SPOCK3: variants seen among roughly 807,000 people sequenced by gnomAD.
The protein encoded by SPOCK3 is SPARC (osteonectin), cwcv and kazal like domains proteoglycan 3, also known as testican-3.
Under a neutral mutation model 56.6 loss-of-function variants are expected in SPOCK3, and 30 were observed. The observed-to-expected ratio is 0.53, with a 90% CI of 0.40 to 0.72. SPOCK3 has a LOEUF of 0.72. Ranked by LOEUF, SPOCK3 falls within the 30% of genes least tolerant of loss-of-function variation. The pLI is 0.00. For synonymous variants in SPOCK3, 196 were observed against 183.3 expected, an observed-to-expected ratio of 1.07 and a Z score of -0.56; for missense variants, 527 against 530.0, an observed-to-expected ratio of 0.99 and a Z score of 0.06.
At chr4:166,905,925 A>G (rs1296074516) in intron 5 of SPOCK3, among the ~76,000 whole-genome samples, 1 of 152,020 alleles carries the variant, frequency 6.6e-6, no homozygotes, top group Admixed American at 6.6e-5. Flanking sequence ...ATGAAATTCT[A>G]TACTGAAAAT....
At chr4:167,068,460 T>C (rs896910846) in intron 2 of SPOCK3, among the ~76,000 whole-genome samples, 1 of 151,724 alleles carries the variant, frequency 6.6e-6, no homozygotes, top group African/African-American at 2.4e-5. Context: ...GAAAACATTC[T>C]AGTAATTGTC....
At chr4:166,842,140 G>C (rs564608121) in intron 6 of SPOCK3, among the ~76,000 whole-genome samples, 1 of 152,204 alleles carries the variant, frequency 6.6e-6, no homozygotes, top group African/African-American at 2.4e-5. Context: ...GAGTGTTATA[G>C]CTCATAGAGG....
chr4:166,767,739 A>G (rs1738304592), intron 7 of SPOCK3, among the ~76,000 whole-genome samples: 1 of 152,132 alleles, frequency 6.6e-6, no homozygotes, highest in South Asian at 2.1e-4. Flanking sequence ...ATTCCTGGAT[A>G]TCCTTGTTAA....
At chr4:166,784,285 C>CAGTA (rs1448752434) in intron 7 of SPOCK3, among the ~76,000 whole-genome samples, 2 of 152,076 alleles carry the variant, frequency 1.3e-5, no homozygotes, top group African/African-American at 4.8e-5. Flanking sequence ...AATTTTACTG[C>CAGTA]AGTACATCAA....
chr4:166,964,524 TCATCA>T (rs1436237406), intron 4 of SPOCK3, among the ~76,000 whole-genome samples: 1 of 151,856 alleles, frequency 6.6e-6, no homozygotes, highest in East Asian at 1.9e-4. Flanking sequence ...AGTAATGTTC[TCATCA>T]CATATTTGTA....
intron 2 of SPOCK3, among the ~76,000 whole-genome samples, chr4:167,219,888 A>C (rs1735732489): frequency 6.6e-6 from 1 of 152,146 alleles, no homozygotes; most frequent in Non-Finnish European, 1.5e-5. Flanking sequence ...TATTGTTCAT[A>C]ATATCTTAAA....
At chr4:166,937,404 G>A (rs925598398) in intron 4 of SPOCK3, among the ~76,000 whole-genome samples, 25 of 149,332 alleles carry the variant, frequency 1.7e-4, no homozygotes, top group Non-Finnish European at 3.3e-4. Flanking sequence ...TATATTATAT[G>A]TTATATATAA....
chr4:167,134,290 C>T (rs932140770), intron 2 of SPOCK3, among the ~76,000 whole-genome samples: 8 of 151,940 alleles, frequency 5.3e-5, no homozygotes, highest in Non-Finnish European at 1.2e-4. Flanking sequence ...GCCTCAGTCT[C>T]CCAAAATGCT....
intron 2 of SPOCK3, among the ~76,000 whole-genome samples, chr4:167,169,743 A>G (rs1228065541): frequency 1.3e-5 from 2 of 151,988 alleles, no homozygotes; most frequent in Non-Finnish European, 2.9e-5. Flanking sequence ...AGGAATAAAT[A>G]TGGTTTAGCT....
chr4:167,079,667 G>T (rs1342383904), intron 2 of SPOCK3, among the ~76,000 whole-genome samples: 3 of 151,982 alleles, frequency 2.0e-5, no homozygotes, highest in Non-Finnish European at 4.4e-5. Context: ...AATAATGCCA[G>T]TCAATTGAAT....
chr4:167,020,815 C>T (rs1751094238), intron 3 of SPOCK3, among the ~76,000 whole-genome samples: 1 of 151,954 alleles, frequency 6.6e-6, no homozygotes, highest in African/African-American at 2.4e-5. Flanking sequence ...AAAAGAAGCT[C>T]ACCTCTAATA....
chr4:167,142,894 G>A (rs748529321), intron 2 of SPOCK3, among the ~76,000 whole-genome samples: 5 of 151,920 alleles, frequency 3.3e-5, no homozygotes, highest in African/African-American at 4.8e-5. Context: ...GGCAACAAAC[G>A]TGTGGATGCA....
intron 6 of SPOCK3, among the ~76,000 whole-genome samples, chr4:166,845,555 T>C (rs982345247): frequency 1.3e-5 from 2 of 152,338 alleles, no homozygotes; most frequent in Admixed American, 6.5e-5. Flanking sequence ...GTAGTTTCTA[T>C]TTTGTAAACA....
At chr4:166,840,377 T>C (rs1314174971) in intron 6 of SPOCK3, among the ~76,000 whole-genome samples, 1 of 152,222 alleles carries the variant, frequency 6.6e-6, no homozygotes, top group Non-Finnish European at 1.5e-5. Context: ...ATTTTTAAAA[T>C]CTTATTTAGA....
At chr4:167,161,232 T>C (rs1400666380) in intron 2 of SPOCK3, among the ~76,000 whole-genome samples, 3 of 152,124 alleles carry the variant, frequency 2.0e-5, no homozygotes, top group African/African-American at 7.2e-5. Flanking sequence ...GGGCGAAGGA[T>C]ATGAACAGAC....
intron 3 of SPOCK3, among the ~76,000 whole-genome samples, chr4:167,057,684 CAAAG>C (rs975744353): frequency 6.6e-6 from 1 of 151,976 alleles, no homozygotes; most frequent in African/African-American, 2.4e-5. Context: ...TCAAAAGAGA[CAAAG>C]AAGGCCATTA....
chr4:166,740,732 G>T (rs1560805819), intron 9 of SPOCK3, among the ~76,000 whole-genome samples: 1 of 151,888 alleles, frequency 6.6e-6, no homozygotes, highest in Non-Finnish European at 1.5e-5. Context: ...TGCCATATTG[G>T]CCAGGGTGGT....
Position 167,139,405 on chromosome 4 carries a change from T to C in SPOCK3, c.190-76868A>G, listed in dbSNP as rs559568852. The stretch of plus-strand genomic sequence containing the variant: ...ATATGGCCCAAATTTCTGTGAGAAA[T>C]AATAATTCTGGTAGAAACCATGGAA... On this transcript the variant is annotated intron_variant, in intron 2 of 10. Coordinates refer to ENST00000357545, the MANE Select transcript of SPOCK3 (RefSeq NM_001040159.2). Among the ~76,000 whole-genome samples the C allele has an allele frequency of 1.2e-4, 19 of 152,104 alleles. No homozygotes were observed. In the East Asian group the frequency reaches 3.5e-3, roughly 28 times the overall value.
intron 2 of SPOCK3, among the ~76,000 whole-genome samples, chr4:167,182,409 CAA>C (rs35047060): frequency 0.16 from 21,136 of 135,390 alleles, 1,809 homozygotes; most frequent in African/African-American, 0.26. Flanking sequence ...AAAAGAAAGA[CAA>C]AAAAAAAAAA....
Sources: allele counts gnomAD v4.1 joint callset (sites outside exome capture counted in the v4.1 genomes callset), GRCh38; gene constraint gnomAD v4.1.1; transcripts MANE v1.5; gene names NCBI Gene and HGNC (gene_info 2026-07-23, HGNC 2026-07-21).